The following TNS3 variants were observed in gnomAD, a reference collection of about 807,000 sequenced individuals.
TNS3 encodes tensin 3, also known as tensin-3.
A neutral mutation model predicts 140.9 loss-of-function variants in TNS3; 45 were observed. That is an observed-to-expected ratio of 0.32 (90% confidence interval 0.25 to 0.41). TNS3 has a LOEUF of 0.41. Among genes scored for constraint, TNS3 ranks in the 10% least tolerant of loss-of-function variants. The pLI is 1.00. For synonymous variants in TNS3, 815 were observed against 788.4 expected (o/e 1.03, Z -0.56); for missense variants, 1,716 against 1,906.7 (o/e 0.90, Z 1.86).
At chr7:47,379,983 A>C (rs1417720904) in intron 16 of TNS3, among the ~76,000 whole-genome samples, 1 of 152,250 alleles carries the variant, frequency 6.6e-6, no homozygotes, top group East Asian at 1.9e-4. Flanking sequence ...AACCTTCCAC[A>C]CAGAAACGCC....
Position 47,562,512 on chromosome 7 carries a change from A to G in TNS3, c.-265+19539T>C, listed in dbSNP as rs372653409. ...AGCGATTCTCCTGTCGCAGCCTCCC[A>G]AGTAGCTGGGATTACAGGTGCCCAC... On this transcript the variant is annotated intron_variant, in intron 1 of 30. Coordinates refer to ENST00000311160, the MANE Select transcript of TNS3 (RefSeq NM_022748.12). Among the ~76,000 whole-genome samples, 30 of 151,762 alleles carry G rather than the reference A, an allele frequency of 2.0e-4. No individual in the cohort carries two copies. In the South Asian group the frequency reaches 2.9e-3, roughly 15 times the overall value.
intron 12 of TNS3, among the ~76,000 whole-genome samples, chr7:47,412,467 A>C (rs962177486): frequency 5.9e-5 from 9 of 152,178 alleles, no homozygotes; most frequent in African/African-American, 2.2e-4. Context: ...AAAATATGAA[A>C]TTTAGCTGGG....
intron 4 of TNS3, among the ~76,000 whole-genome samples, chr7:47,455,718 G>A (rs951968484): frequency 3.6e-4 from 55 of 152,202 alleles, no homozygotes; most frequent in Non-Finnish European, 6.0e-4. Context: ...AGGTGGCGGC[G>A]ATGGGCACCT....
intron 2 of TNS3, among the ~76,000 whole-genome samples, 154 bp downstream of exon 2, chr7:47,528,882 C>CTAAG (rs1344485370): frequency 6.6e-6 from 1 of 152,010 alleles, no homozygotes; most frequent in Non-Finnish European, 1.5e-5. Flanking sequence ...TTGGCCCCTG[C>CTAAG]TAAGTAAGGG....
At chr7:47,326,083 G>C (rs1382854737) in intron 20 of TNS3, among the ~76,000 whole-genome samples, 7 of 152,152 alleles carry the variant, frequency 4.6e-5, no homozygotes, top group Non-Finnish European at 8.8e-5. Flanking sequence ...AAATCACACA[G>C]CTCTTGGGAC....
Position 47,552,034 on chromosome 7 carries a change from C to T in TNS3, c.-264-22887G>A, listed in dbSNP as rs529923370. ...CATTTAAACAGACATTGAAAAGGGG[C>T]GGCATTCTTACCCACCATATTTATC... is the stretch of plus-strand genomic sequence containing the variant. On this transcript the variant is annotated intron_variant, in intron 1 of 30. Transcript: ENST00000311160. 1.6e-3 allele frequency among the ~76,000 whole-genome samples: 239 copies of T among 152,088 alleles called. 1 individual carries two copies. The highest frequency in any genetic ancestry group is 5.3e-3 in the African/African-American group (219 of 41,434).
At chr7:47,508,710 G>C (rs1037550399) in intron 2 of TNS3, among the ~76,000 whole-genome samples, 2 of 152,240 alleles carry the variant, frequency 1.3e-5, no homozygotes, top group East Asian at 3.8e-4. Flanking sequence ...CTGTGTGACA[G>C]TGCAACCTGG....
chr7:47,496,919 G>A (rs1323808983), intron 3 of TNS3, among the ~76,000 whole-genome samples: 2 of 152,194 alleles, frequency 1.3e-5, no homozygotes, highest in African/African-American at 2.4e-5. Context: ...AAGAAGGGCA[G>A]CCAGTCAGGG....
intron 3 of TNS3, among the ~76,000 whole-genome samples, chr7:47,495,876 C>T (rs961559725): frequency 1.3e-5 from 2 of 152,188 alleles, no homozygotes; most frequent in African/African-American, 2.4e-5. Flanking sequence ...TCCTCCATCT[C>T]GGCAGAGGGA....
rs968753559 is a variant in TNS3, at chr7:47,582,042, C to G, written c.-265+9G>C. 3.3e-5 allele frequency: 5 copies of G among 152,090 alleles called. No homozygotes were observed. The highest frequency in any genetic ancestry group is 7.4e-5 in the Non-Finnish European group (5 of 68,012). 9.4% of individuals were successfully genotyped at this position (152,090 alleles called of 1,614,324 possible). ...GTGGCCGCGTTTCCTCCTTCCCCGG[C>G]CCCAGTACCTGGGGGAGCCTGAGGC... On this transcript the variant is annotated intron_variant, in intron 1 of 30. Transcript: ENST00000311160.
chr7:47,301,878 G>A (rs1372873417), intron 23 of TNS3, among the ~76,000 whole-genome samples: 1 of 152,194 alleles, frequency 6.6e-6, no homozygotes, highest in African/African-American at 2.4e-5. Context: ...GCAGTTGTGG[G>A]CTGGCATCAC....
chr7:47,371,376 AT>A (rs1791063598), intron 16 of TNS3, among the ~76,000 whole-genome samples: 1 of 152,186 alleles, frequency 6.6e-6, no homozygotes, highest in African/African-American at 2.4e-5. Context: ...GGAACTGAGG[AT>A]CAAAGAGAAT....
intron 17 of TNS3, among the ~76,000 whole-genome samples, chr7:47,356,716 A>G (rs1790012607): frequency 6.6e-6 from 1 of 152,236 alleles, no homozygotes. Flanking sequence ...ATGTATAGAT[A>G]TAACAAACAA....
chr7:47,458,505 A>C (rs1293506027), intron 4 of TNS3, among the ~76,000 whole-genome samples: 1 of 152,228 alleles, frequency 6.6e-6, no homozygotes, highest in Non-Finnish European at 1.5e-5. Context: ...GTCCTGTACA[A>C]ATTGGATCTG....
chr7:47,305,124 T>C (rs1312264402), intron 20 of TNS3, 121 bp from the exon 21 acceptor site: 3 of 759,262 alleles, frequency 4.0e-6, no homozygotes, highest in Non-Finnish European at 5.4e-6. Flanking sequence ...CTGTCATCCA[T>C]GGCCATACTG....
chr7:47,568,496 A>C (rs565871624), intron 1 of TNS3, among the ~76,000 whole-genome samples: 1 of 152,350 alleles, frequency 6.6e-6, no homozygotes, highest in East Asian at 1.9e-4. Flanking sequence ...CACAGCAGGC[A>C]CTCACTGAAC....
intron 4 of TNS3, among the ~76,000 whole-genome samples, chr7:47,465,723 G>A (rs995748161): frequency 2.0e-5 from 3 of 152,140 alleles, no homozygotes; most frequent in East Asian, 1.9e-4. Flanking sequence ...TCAGGAGTTC[G>A]AGACAAGCCT....
intron 1 of TNS3, among the ~76,000 whole-genome samples, chr7:47,559,407 A>G (rs1259791060): frequency 1.3e-5 from 2 of 152,206 alleles, no homozygotes; most frequent in Non-Finnish European, 2.9e-5. Flanking sequence ...ATTTTTAATA[A>G]TGGGAGCGGG....
intron 21 of TNS3, among the ~76,000 whole-genome samples, chr7:47,304,038 A>T (rs1261702206): frequency 6.6e-6 from 1 of 152,170 alleles, no homozygotes; most frequent in African/African-American, 2.4e-5. Context: ...GTCTTGTCCC[A>T]CAGCACTAGG....
Sources: gnomAD v4.1 joint callset for allele counts (sites outside exome capture counted in the v4.1 genomes callset) on GRCh38, gnomAD v4.1.1 for gene constraint, MANE v1.5 for transcripts, NCBI Gene and HGNC (gene_info 2026-07-23, HGNC 2026-07-21) for gene names.